UGT8: variants seen among roughly 807,000 people sequenced by gnomAD.
UGT8 encodes the protein UDP glycosyltransferase 8.
In UGT8, 12 loss-of-function variants were observed where a neutral mutation model predicts 40.5. The observed-to-expected ratio is 0.30, with a 90% CI of 0.19 to 0.48. The LOEUF is 0.48. UGT8 is among the 20% of genes least tolerant of loss of function. The pLI is 0.99. For synonymous variants in UGT8, 224 were observed against 240.4 expected (o/e 0.93, Z 0.63); for missense variants, 513 against 648.7 (o/e 0.79, Z 2.27).
At chr4:114,647,394 C>G (rs955370364) in intron 2 of UGT8, among the ~76,000 whole-genome samples, 8 of 78,340 alleles carry the variant, frequency 1.0e-4, no homozygotes, top group South Asian at 5.2e-4. Context: ...GTGTGTGTGT[C>G]TCACTCTGTC....
intron 4 of UGT8, among the ~76,000 whole-genome samples, chr4:114,667,238 G>C (rs931369552): frequency 1.3e-5 from 2 of 151,974 alleles, no homozygotes; most frequent in African/African-American, 2.4e-5. Flanking sequence ...TTTGTACCTG[G>C]CACATGTGTA....
chr4:114,626,227 T>C (rs1205226290), intron 2 of UGT8, among the ~76,000 whole-genome samples: 1 of 152,198 alleles, frequency 6.6e-6, no homozygotes, highest in East Asian at 1.9e-4. Context: ...TTCTAGTAGA[T>C]TTATTTGAGA....
chr4:114,630,399 C>T (rs1204080561), intron 2 of UGT8, among the ~76,000 whole-genome samples: 3 of 152,164 alleles, frequency 2.0e-5, no homozygotes, highest in Non-Finnish European at 4.4e-5. Context: ...ATGAGAGCCA[C>T]GACAATACCT....
At chr4:114,633,444 A>G (rs1732702113) in intron 2 of UGT8, among the ~76,000 whole-genome samples, 1 of 152,132 alleles carries the variant, frequency 6.6e-6, no homozygotes, top group African/African-American at 2.4e-5. Context: ...CCCACCCCAA[A>G]GTGGGAAGGA....
In UGT8 at chr4:114,676,124, T is replaced by A. The variant is rs1363501471; in HGVS notation, c.1462T>A (p.Leu488Ile). 6.2e-7 allele frequency: 1 copy of A among 1,614,244 alleles called. No homozygotes were observed. Among genetic ancestry groups the A allele is most frequent in the East Asian group, 2.2e-5 (1 of 44,888 alleles). ...TGTGCTTTTGCTTGGTGCTGCCTTG[T>A]TATACTTTCTCTTGTCTTGGGTGAC... The part of the protein sequence containing the change: ...AFVLLLGAAL[L>I]YFLLSWVTKF... The change falls in exon 6 of 6, where the codon TTA (leucine) becomes ATA (isoleucine). Residue 488 changes from leucine (L) to isoleucine (I), a missense_variant. Transcript: ENST00000310836.
intron 4 of UGT8, 37 bp from the exon 5 acceptor site, chr4:114,668,048 A>G (rs746109884): frequency 9.0e-5 from 145 of 1,604,502 alleles, no homozygotes; most frequent in Non-Finnish European, 1.2e-4. Context: ...GTAGAGTAAT[A>G]ATGTTGTAAG....
Position 114,676,213 on chromosome 4 carries a change from A to G in UGT8, c.1551A>G (p.Gly517=), listed in dbSNP as rs573348899. 18 of 1,613,974 alleles carry G rather than the reference A, an allele frequency of 1.1e-5. No individual in the cohort carries two copies. The highest frequency in any genetic ancestry group is 5.3e-5 in the African/African-American group (4 of 75,022). ...GAAATAAGCATAGCACAGTTAATGG[A>G]CATTACCACAATGGAATCCTCAATG... ...WSRNKHSTVN[G]HYHNGILNGK... Residue 517 remains glycine, a synonymous_variant, in exon 6 of 6, where the codon GGA becomes GGG. Transcript: ENST00000310836.
At chr4:114,622,076 G>T (rs987892614) in intron 1 of UGT8, among the ~76,000 whole-genome samples, 1 of 151,336 alleles carries the variant, frequency 6.6e-6, no homozygotes, top group South Asian at 2.1e-4. Context: ...CTAGCATTAG[G>T]TATATATCCC....
intron 2 of UGT8, among the ~76,000 whole-genome samples, chr4:114,645,150 A>C (rs1389603809): frequency 6.6e-6 from 1 of 152,206 alleles, no homozygotes; most frequent in African/African-American, 2.4e-5. Context: ...AAAAATTAAC[A>C]AATCCAAATA....
At chr4:114,648,795 ATAAAG>A (rs1290119461) in intron 2 of UGT8, among the ~76,000 whole-genome samples, 4 of 152,202 alleles carry the variant, frequency 2.6e-5, no homozygotes, top group Non-Finnish European at 5.9e-5. Context: ...GGAATATAAT[ATAAAG>A]TAATTTCTTA....
At chr4:114,675,619 A>G (rs1055236184) in intron 5 of UGT8, among the ~76,000 whole-genome samples, 8 of 149,210 alleles carry the variant, frequency 5.4e-5, no homozygotes, top group African/African-American at 2.0e-4. Flanking sequence ...GGGCGCCTGT[A>G]GTCCCAGCTA....
intron 1 of UGT8, among the ~76,000 whole-genome samples, chr4:114,615,440 A>T (rs1731346285): frequency 6.6e-6 from 1 of 152,126 alleles, no homozygotes; most frequent in Admixed American, 6.5e-5. Context: ...AAAATCCCAC[A>T]TCCTGGGAAA....
At chr4:114,640,737 A>C (rs1733171309) in intron 2 of UGT8, among the ~76,000 whole-genome samples, 1 of 152,160 alleles carries the variant, frequency 6.6e-6, no homozygotes, top group Non-Finnish European at 1.5e-5. Context: ...GCAGGCAAAG[A>C]GAGAGATTGT....
chr4:114,673,369 C>A (rs1487519638), intron 5 of UGT8, among the ~76,000 whole-genome samples: 2 of 152,152 alleles, frequency 1.3e-5, no homozygotes, highest in African/African-American at 4.8e-5. Flanking sequence ...CTCCTCTGAA[C>A]AGAATAGTCA....
chr4:114,665,398 G>A (rs1734797123), intron 3 of UGT8: 1 of 985,106 alleles, frequency 1.0e-6, no homozygotes, highest in Non-Finnish European at 1.2e-6. Context: ...TTGTTTGTTT[G>A]TTTGTTTTTC....
chr4:114,632,439 C>T (rs80235030), intron 2 of UGT8, among the ~76,000 whole-genome samples: 3,165 of 152,242 alleles, frequency 0.021, 58 homozygotes, highest in Non-Finnish European at 0.031. Context: ...CTTAAGACCA[C>T]GTGGTGGATA....
chr4:114,643,911 T>G (rs1733386032), intron 2 of UGT8, among the ~76,000 whole-genome samples: 1 of 152,170 alleles, frequency 6.6e-6, no homozygotes, highest in Non-Finnish European at 1.5e-5. Flanking sequence ...ATGTCATCTA[T>G]ATTTTTCTGT....
At chr4:114,640,272 C>T (rs202018271) in intron 2 of UGT8, among the ~76,000 whole-genome samples, 72 of 151,622 alleles carry the variant, frequency 4.7e-4, no homozygotes, top group African/African-American at 1.1e-3. Context: ...CCTTGTGATC[C>T]GCCCGCCTCG....
At chr4:114,625,120 A>G (rs1732116498) in intron 2 of UGT8, among the ~76,000 whole-genome samples, 1 of 152,150 alleles carries the variant, frequency 6.6e-6, no homozygotes, top group Non-Finnish European at 1.5e-5. Context: ...CTAGGTCATC[A>G]TCTTTTCCGA....
Sources: allele counts gnomAD v4.1 joint callset (sites outside exome capture counted in the v4.1 genomes callset), GRCh38; gene constraint gnomAD v4.1.1; transcripts MANE v1.5; gene names NCBI Gene and HGNC (gene_info 2026-07-23, HGNC 2026-07-21).